GLCE: variants seen among roughly 807,000 people sequenced by gnomAD.
The protein encoded by GLCE is D-glucuronyl C5-epimerase.
A neutral mutation model predicts 47.9 loss-of-function variants in GLCE; 19 were observed. The ratio of observed to expected loss-of-function variants is 0.40; its 90% CI spans 0.28 to 0.58. The LOEUF (loss-of-function observed/expected upper bound fraction) is 0.58, where lower values mean the gene tolerates loss of function less well. GLCE is among the 20% of genes least tolerant of loss of function. The probability of loss-of-function intolerance (pLI) is 0.48; values close to 1 mark genes in which losing one functional copy is unlikely to be tolerated. For synonymous variants in GLCE, 245 were observed against 263.4 expected (o/e 0.93, Z 0.68); for missense variants, 556 against 743.3 (o/e 0.75, Z 2.93).
chr15:69,235,582 C>A (rs1011594270), intron 2 of GLCE, among the ~76,000 whole-genome samples: 4 of 151,948 alleles, frequency 2.6e-5, no homozygotes, highest in African/African-American at 9.7e-5. Flanking sequence ...ATGAGGAAAC[C>A]GAAGTTTGGA....
chr15:69,222,526 C>T (rs563980635), intron 2 of GLCE, among the ~76,000 whole-genome samples: 56 of 152,298 alleles, frequency 3.7e-4, no homozygotes, highest in Non-Finnish European at 5.3e-4. Context: ...TCAGAGCCAC[C>T]CCTTCCTAAG....
intron 1 of GLCE, among the ~76,000 whole-genome samples, chr15:69,178,116 G>A (rs1203999156): frequency 6.6e-6 from 1 of 152,120 alleles, no homozygotes; most frequent in Non-Finnish European, 1.5e-5. Flanking sequence ...TAAATAGGAT[G>A]ACTAGGTCAC....
chr15:69,167,593 A>G (rs1395647306), intron 1 of GLCE, among the ~76,000 whole-genome samples: 1 of 152,246 alleles, frequency 6.6e-6, no homozygotes, highest in Non-Finnish European at 1.5e-5. Flanking sequence ...CATAAAATCT[A>G]GTCACTGCCA....
At position 69,250,277 on chromosome 15, in the gene GLCE, A is replaced by G. The variant is rs371887829; in HGVS notation, c.-13-5517A>G. Among the ~76,000 whole-genome samples, 14 of 152,156 alleles carry G rather than the reference A, an allele frequency of 9.2e-5. No individual in the cohort carries two copies. The East Asian group carries it at 1.3e-3, about 15-fold the overall frequency. ...CAGTTTTCTATAATTTGGCAACATT[A>G]TAATGAAATTACTGAGTTTCTCTTT... On this transcript the variant is annotated intron_variant, in intron 2 of 4. Transcript: ENST00000261858.
At chr15:69,247,559 T>G (rs1566967887) in intron 2 of GLCE, among the ~76,000 whole-genome samples, 1 of 152,240 alleles carries the variant, frequency 6.6e-6, no homozygotes, top group Non-Finnish European at 1.5e-5. Context: ...TCCATTGCTA[T>G]CACAGCTTGG....
At chr15:69,212,643 A>G (rs1454330352) in intron 2 of GLCE, among the ~76,000 whole-genome samples, 1 of 152,074 alleles carries the variant, frequency 6.6e-6, no homozygotes, top group East Asian at 1.9e-4. Context: ...CATGTCTTTG[A>G]AGGTATTCAG....
intron 2 of GLCE, among the ~76,000 whole-genome samples, chr15:69,225,953 A>T (rs779223669): frequency 1.3e-5 from 2 of 152,162 alleles, no homozygotes; most frequent in Admixed American, 6.6e-5. Flanking sequence ...TCCCAGTGTT[A>T]CATATATGAC....
intron 1 of GLCE, among the ~76,000 whole-genome samples, chr15:69,186,065 G>A (rs575846365): frequency 6.6e-6 from 1 of 152,274 alleles, no homozygotes; most frequent in South Asian, 2.1e-4. Context: ...AAGTATGGGG[G>A]AAGGGGTGCG....
At chr15:69,221,983 A>T (rs2052383464) in intron 2 of GLCE, among the ~76,000 whole-genome samples, 1 of 152,056 alleles carries the variant, frequency 6.6e-6, no homozygotes, top group Admixed American at 6.5e-5. Flanking sequence ...CTGTCCTTCA[A>T]ATGGGACTTT....
At chr15:69,234,729 G>A (rs1381905994) in intron 2 of GLCE, among the ~76,000 whole-genome samples, 1 of 152,102 alleles carries the variant, frequency 6.6e-6, no homozygotes, top group Non-Finnish European at 1.5e-5. Flanking sequence ...GTTAATGAAA[G>A]GTCTTGCAGT....
chr15:69,268,322 A>G lies in GLCE; in HGVS notation c.932A>G (p.Glu311Gly), dbSNP rs2053114729. The G allele has an allele frequency of 6.2e-7, 1 of 1,611,988 alleles. No homozygotes were observed. Among genetic ancestry groups the G allele is most frequent in the African/African-American group, 1.3e-5 (1 of 75,012 alleles). ...AATGGAAGTGTGTCCGTGGTTCTAG[A>G]GACCACAGAAAAGAATCAGCTCTTC... Reference protein sequence around the residue: ...LTNGSVSVVLETTEKNQLFTI... With the variant: ...LTNGSVSVVLGTTEKNQLFTI... The change falls in exon 5 of 5, where the codon GAG (glutamate) becomes GGG (glycine). Residue 311 changes from glutamate to glycine, a missense_variant. By Grantham distance (98) the Glu-to-Gly change is moderately conservative (BLOSUM62 -2). This residue lies in a region of GLCE where 74 missense variants were observed against 64.4 expected (regional missense o/e 1.15). Coordinates refer to ENST00000261858, the MANE Select transcript of GLCE (RefSeq NM_015554.3).
Position 69,185,836 on chromosome 15 carries a change from C to T in GLCE, c.-104-24480C>T, listed in dbSNP as rs141841249. Among the ~76,000 whole-genome samples the T allele has an allele frequency of 2.4e-3, 361 of 152,138 alleles. 1 individual carries two copies. The highest frequency in any genetic ancestry group is 6.4e-3 in the African/African-American group (266 of 41,492). ...TATCCTTAAGATACCAGTCACAAGT[C>T]CGGGCCACCCCATCCTTCAGACACC... On this transcript the variant is annotated intron_variant, in intron 1 of 4. Coordinates refer to ENST00000261858, the MANE Select transcript of GLCE (RefSeq NM_015554.3).
At chr15:69,189,287 G>A (rs778101434) in intron 1 of GLCE, among the ~76,000 whole-genome samples, 25 of 152,246 alleles carry the variant, frequency 1.6e-4, no homozygotes, top group Admixed American at 5.2e-4. Flanking sequence ...AAATCATATA[G>A]TATGTCACCT....
At chr15:69,163,106 G>A (rs1045921248) in intron 1 of GLCE, among the ~76,000 whole-genome samples, 2 of 152,294 alleles carry the variant, frequency 1.3e-5, no homozygotes, top group Admixed American at 6.5e-5. Flanking sequence ...ACAACTGATT[G>A]CTTGAGCAGA....
intron 3 of GLCE, among the ~76,000 whole-genome samples, chr15:69,258,520 C>T (rs895669144): frequency 1.4e-4 from 22 of 152,186 alleles, no homozygotes; most frequent in African/African-American, 5.3e-4. Context: ...ATGTATGAGA[C>T]CCTTCTCTTT....
At chr15:69,202,242 A>G (rs2052086175) in intron 1 of GLCE, among the ~76,000 whole-genome samples, 1 of 152,008 alleles carries the variant, frequency 6.6e-6, no homozygotes, top group Non-Finnish European at 1.5e-5. Flanking sequence ...CCTAAATTCA[A>G]CAGTCAGAGA....
intron 3 of GLCE, 173 bp from the exon 4 acceptor site, chr15:69,260,914 A>C: frequency 1.8e-6 from 1 of 542,986 alleles, no homozygotes; most frequent in Non-Finnish European, 3.2e-6. Flanking sequence ...TGTTTTTCAC[A>C]TCTGGTTAAT....
At chr15:69,201,630 T>A (rs1452600969) in intron 1 of GLCE, among the ~76,000 whole-genome samples, 1 of 148,730 alleles carries the variant, frequency 6.7e-6, no homozygotes, top group Admixed American at 6.8e-5. Flanking sequence ...ACATACTAGA[T>A]GCTTAACAGA....
In GLCE at chr15:69,256,247, T is replaced by A. The variant is rs1285206625; in HGVS notation, c.441T>A (p.Asp147Glu). The stretch of plus-strand genomic sequence containing the variant: ...TTTATGGAAAGGTGGTTCAGTATGA[T>A]GGCTATGATCGGTTTGAATTCTCTC... ...FDVYGKVVQYDGYDRFEFSHS... is the reference protein window; with the variant it reads ...FDVYGKVVQYEGYDRFEFSHS... Residue 147 changes from aspartate (D) to glutamate (E), a missense_variant, in exon 3 of 5, where the codon GAT becomes GAA. Physicochemically the swap from Asp to Glu is conservative, Grantham distance 45 (BLOSUM62 2). Around this residue, in one of 3 missense-constraint regions of GLCE, gnomAD observed 237 missense variants for 310.9 expected, o/e 0.76. Transcript: ENST00000261858. The A allele has an allele frequency of 6.2e-7, 1 of 1,614,028 alleles. No individual in the cohort carries two copies. Among genetic ancestry groups the A allele is most frequent in the Non-Finnish European group, 8.5e-7 (1 of 1,179,994 alleles).
Sources: gnomAD v4.1 joint callset for allele counts (sites outside exome capture counted in the v4.1 genomes callset) on GRCh38, gnomAD v4.1.1 for gene constraint, gnomAD v4.1.1 regional missense constraint, MANE v1.5 for transcripts, NCBI Gene and HGNC (gene_info 2026-07-23, HGNC 2026-07-21) for gene names.